Variants in TPGS2 observed in about 807,000 individuals in gnomAD.
The protein encoded by TPGS2 is polyglutamylase subunit 2.
A neutral mutation model predicts 31.1 loss-of-function variants in TPGS2; 26 were observed. That is an observed-to-expected ratio of 0.84 (90% CI 0.61 to 1.16). The LOEUF (loss-of-function observed/expected upper bound fraction) is 1.16, where lower values mean the gene tolerates loss of function less well. Ranked by LOEUF, TPGS2 falls within the 50% of genes most tolerant of loss-of-function variation. The probability of loss-of-function intolerance (pLI) is 0.00; values close to 1 mark genes in which losing one functional copy is unlikely to be tolerated. For synonymous variants in TPGS2, 130 were observed against 136.6 expected (o/e 0.95, Z 0.34); for missense variants, 351 against 363.8 (o/e 0.96, Z 0.29).
At chr18:36,783,930 C>T (rs1332083590) in intron 6 of TPGS2, among the ~76,000 whole-genome samples, 2 of 152,046 alleles carry the variant, frequency 1.3e-5, no homozygotes, top group African/African-American at 4.8e-5. Flanking sequence ...ATGAGTGTCC[C>T]TTATAAGAGA....
rs754777409 is a variant in TPGS2 at position 36,828,781 on chromosome 18, G to A, written c.-14C>T. 2.2e-5 allele frequency: 36 copies of A among 1,612,180 alleles called. No individual in the cohort carries two copies. Among genetic ancestry groups the A allele is most frequent in the South Asian group, 3.3e-5 (3 of 90,998 alleles). ...CTCCTCCTCCATGGCTCGCGACCGC[G>A]ATTCGCGCGCGGCGGGAGCGGGTGG... On this transcript the variant is annotated 5_prime_UTR_variant, in exon 1 of 7. Transcript: ENST00000334295.
At chr18:36,792,355 A>ACAAT (rs1269146371), downstream of TPGS2, among the ~76,000 whole-genome samples, 3 of 152,236 alleles carry the variant, frequency 2.0e-5, no homozygotes, top group African/African-American at 7.2e-5. Flanking sequence ...ATGAACCTGG[A>ACAAT]TGATGGATAC....
intron 2 of TPGS2, among the ~76,000 whole-genome samples, chr18:36,809,824 G>A (rs1165666881): frequency 1.3e-5 from 2 of 152,164 alleles, no homozygotes; most frequent in Admixed American, 6.5e-5. Context: ...TGAGATCCAG[G>A]CTGAGGGCAG....
In TPGS2 at chr18:36,795,116, G is replaced by A; in HGVS notation, c.*1689C>T. On this transcript the variant is annotated 3_prime_UTR_variant, in exon 7 of 7. Transcript: ENST00000334295. ...ACTCTTCACCTTGGTTTTCCTCAGG[G>A]GCTATGGAAAGTGGTAGGTGGAGGA... The A allele has an allele frequency of 1.0e-6, 1 of 985,364 alleles. No individual in the cohort carries two copies. Among genetic ancestry groups the A allele is most frequent in the Non-Finnish European group, 1.2e-6 (1 of 829,924 alleles). The allele number at this position is 985,364 out of a possible 1,614,324, so 61.0% of individuals were successfully genotyped here.
At chr18:36,821,775 C>G (rs966120588) in intron 1 of TPGS2, among the ~76,000 whole-genome samples, 1 of 152,234 alleles carries the variant, frequency 6.6e-6, no homozygotes, top group South Asian at 2.1e-4. Context: ...AAACTGCACA[C>G]AGCTGATCTG....
Position 36,784,253 on chromosome 18 carries a change from G to A in TPGS2, c.658-1122C>T, listed in dbSNP as rs374137170. Among the ~76,000 whole-genome samples the A allele has an allele frequency of 2.0e-4, 31 of 152,314 alleles. No individual in the cohort carries two copies. The East Asian group carries it at 2.9e-3, about 14-fold the overall frequency. The stretch of plus-strand genomic sequence containing the variant: ...TACAACCATCCCAAATGTGCACCGC[G>A]CACCCGTTATGGAGGTAACTGTGCG... On this transcript the variant is annotated intron_variant, in intron 6 of 6. Transcript: ENST00000587129.
chr18:36,818,100 T>G (rs1165223126), intron 2 of TPGS2, among the ~76,000 whole-genome samples: 2 of 152,196 alleles, frequency 1.3e-5, no homozygotes, highest in Non-Finnish European at 1.5e-5. Context: ...CTTTGTGATC[T>G]CAGAACAATG....
intron 1 of TPGS2, among the ~76,000 whole-genome samples, chr18:36,821,346 C>T (rs1477977748): frequency 6.6e-6 from 1 of 152,096 alleles, no homozygotes; most frequent in Non-Finnish European, 1.5e-5. Context: ...TATCTAACTG[C>T]GACCACTTGA....
intron 3 of TPGS2, chr18:36,807,553 G>A (rs2045216819): frequency 7.7e-6 from 3 of 389,036 alleles, no homozygotes; most frequent in African/African-American, 6.3e-5. Context: ...TAAGTTTGAG[G>A]TGGCTAGGGT....
intron 5 of TPGS2, among the ~76,000 whole-genome samples, chr18:36,799,744 G>A (rs1216467449): frequency 1.3e-5 from 2 of 152,162 alleles, no homozygotes; most frequent in African/African-American, 4.8e-5. Flanking sequence ...GTGCTGTTAG[G>A]GGGCTAGGTG....
chr18:36,812,812 A>G (rs1046453702), intron 2 of TPGS2, among the ~76,000 whole-genome samples: 9 of 152,212 alleles, frequency 5.9e-5, no homozygotes, highest in African/African-American at 1.9e-4. Flanking sequence ...CCAGGGAGAC[A>G]GTGTCGGAAC....
intron 2 of TPGS2, among the ~76,000 whole-genome samples, chr18:36,811,582 T>G (rs1421136663): frequency 6.6e-6 from 1 of 152,104 alleles, no homozygotes; most frequent in Non-Finnish European, 1.5e-5. Context: ...TCATCAAAAT[T>G]CTACCACTGG....
intron 1 of TPGS2, among the ~76,000 whole-genome samples, chr18:36,826,472 C>A (rs1310310939): frequency 2.7e-5 from 4 of 149,734 alleles, no homozygotes; most frequent in Non-Finnish European, 5.9e-5. Flanking sequence ...TATACAAGAT[C>A]ATGTCATCTG....
chr18:36,812,041 A>G (rs1450159574), intron 2 of TPGS2, among the ~76,000 whole-genome samples: 1 of 152,250 alleles, frequency 6.6e-6, no homozygotes, highest in Non-Finnish European at 1.5e-5. Context: ...GAAAACTTTC[A>G]CTGTCCTGTT....
At chr18:36,801,844 C>T (rs1025659148) in intron 4 of TPGS2, among the ~76,000 whole-genome samples, 3 of 152,230 alleles carry the variant, frequency 2.0e-5, no homozygotes, top group South Asian at 4.1e-4. Context: ...TTATTGGATA[C>T]GTGGATTTAT....
At chr18:36,811,382 G>T (rs2045418850) in intron 2 of TPGS2, among the ~76,000 whole-genome samples, 1 of 152,262 alleles carries the variant, frequency 6.6e-6, no homozygotes, top group Non-Finnish European at 1.5e-5. Flanking sequence ...AACAGCCAAA[G>T]GAAAGGTAGC....
At chr18:36,812,513 G>A (rs1438621549) in intron 2 of TPGS2, among the ~76,000 whole-genome samples, 1 of 152,192 alleles carries the variant, frequency 6.6e-6, no homozygotes, top group Non-Finnish European at 1.5e-5. Flanking sequence ...AGTGTGGCGT[G>A]CTCTCGGATG....
At chr18:36,805,603 C>T (rs1600779996) in intron 3 of TPGS2, 101 bp from the exon 4 acceptor site, 51 of 1,497,574 alleles carry the variant, frequency 3.4e-5, no homozygotes, top group Non-Finnish European at 4.2e-5. Context: ...GGTATTGTTT[C>T]GCCCCATGGC....
downstream of TPGS2, among the ~76,000 whole-genome samples, chr18:36,780,791 G>T (rs1421299872): frequency 6.6e-6 from 1 of 152,114 alleles, no homozygotes; most frequent in African/African-American, 2.4e-5. Flanking sequence ...AAGATAAAAG[G>T]TGCCCCTCTA....
Sources: allele counts gnomAD v4.1 joint callset (sites outside exome capture counted in the v4.1 genomes callset), GRCh38; gene constraint gnomAD v4.1.1; transcripts MANE v1.5; gene names NCBI Gene and HGNC (gene_info 2026-07-23, HGNC 2026-07-21).